PADI1: variants seen among roughly 807,000 people sequenced by gnomAD.
PADI1 encodes the protein protein-arginine deiminase type-1.
A neutral mutation model predicts 74.8 loss-of-function variants in PADI1; 65 were observed. That is an observed-to-expected ratio of 0.87 (90% CI 0.71 to 1.07). PADI1 has a LOEUF of 1.07. PADI1 is among the 50% of genes least tolerant of loss of function. PADI1 has a pLI of 0.00. For missense variants in PADI1, 943 were observed against 854.0 expected (o/e 1.10, Z -1.30); for synonymous variants, 371 against 336.2 (o/e 1.10, Z -1.13).
chr1:17,244,027 A>C lies in PADI1; in HGVS notation c.1776A>C (p.Leu592Phe). Residue 592 changes from leucine to phenylalanine, a missense_variant, in exon 16 of 16, where the codon TTA (leucine) becomes TTC (phenylalanine). Leu to Phe is a conservative substitution (Grantham distance 22, BLOSUM62 0). Transcript: ENST00000375471. ...TTTTGCAGGTTAACATGGTGGTCTTAGGCAAGTACCTGGGCATCCCCAAGC... is the reference window on the plus strand; with the variant it reads ...TTTTGCAGGTTAACATGGTGGTCTTCGGCAAGTACCTGGGCATCCCCAAGC... ...FFPDMVNMVVLGKYLGIPKPY... is the reference protein window; with the variant it reads ...FFPDMVNMVVFGKYLGIPKPY... 6.2e-7 allele frequency: 1 copy of C among 1,613,764 alleles called. No individual in the cohort carries two copies. The highest frequency in any genetic ancestry group is 2.2e-5 in the East Asian group (1 of 44,874).
intron 10 of PADI1, among the ~76,000 whole-genome samples, chr1:17,231,616 G>A (rs1477606371): frequency 2.0e-5 from 3 of 152,148 alleles, no homozygotes; most frequent in Non-Finnish European, 1.5e-5. Context: ...GACCTGCCCC[G>A]GGCTTGGCCT....
intron 8 of PADI1, 53 bp downstream of exon 8, chr1:17,229,104 A>G (rs1392530479): frequency 2.3e-5 from 26 of 1,143,704 alleles, no homozygotes; most frequent in Non-Finnish European, 2.9e-5. Flanking sequence ...AGAGGTAGGG[A>G]CAGAAGCTGC....
intron 1 of PADI1, among the ~76,000 whole-genome samples, chr1:17,216,081 G>C (rs1168786280): frequency 6.6e-6 from 1 of 152,184 alleles, no homozygotes; most frequent in Non-Finnish European, 1.5e-5. Flanking sequence ...GACAGACAGA[G>C]CTGCAGCCCT....
intron 1 of PADI1, among the ~76,000 whole-genome samples, chr1:17,211,789 C>T (rs1420650797): frequency 6.6e-6 from 1 of 152,146 alleles, no homozygotes; most frequent in Non-Finnish European, 1.5e-5. Flanking sequence ...TGTGCCCCAT[C>T]ACCCTCTGTG....
At chr1:17,229,319 A>C (rs1569816391) in intron 8 of PADI1, among the ~76,000 whole-genome samples, 1 of 151,150 alleles carries the variant, frequency 6.6e-6, no homozygotes, top group Non-Finnish European at 1.5e-5. Context: ...CTGCAGCCCC[A>C]GAACATCTCA....
intron 1 of PADI1, among the ~76,000 whole-genome samples, chr1:17,206,074 G>A (rs1048584193): frequency 1.1e-4 from 16 of 152,292 alleles, no homozygotes; most frequent in East Asian, 5.8e-4. Context: ...AATTGGATTT[G>A]GTGATCTCTG....
In PADI1 at chr1:17,226,178, C is replaced by G. The variant is rs775015861; in HGVS notation, c.652+20C>G. Reference sequence around the variant, plus strand: ...CCAGGGGTGAGTGGCCTGATGGGGCCTTTTCCTCCCAGCTCCATCCATATC... The same window carrying G: ...CCAGGGGTGAGTGGCCTGATGGGGCGTTTTCCTCCCAGCTCCATCCATATC... On this transcript the variant is annotated intron_variant, in intron 6 of 15. Transcript: ENST00000375471. 6.2e-7 allele frequency: 1 copy of G among 1,613,484 alleles called. No homozygotes were observed. The highest frequency in any genetic ancestry group is 2.2e-5 in the East Asian group (1 of 44,874).
intron 1 of PADI1, among the ~76,000 whole-genome samples, chr1:17,221,166 T>G (rs2072138089): frequency 6.6e-6 from 1 of 152,188 alleles, no homozygotes; most frequent in Non-Finnish European, 1.5e-5. Flanking sequence ...TCCACTCAAG[T>G]GCAGATGGGC....
Position 17,224,436 on chromosome 1 carries a change from C to G in PADI1, c.408+8C>G. The G allele has an allele frequency of 3.1e-6, 5 of 1,611,358 alleles. No individual in the cohort carries two copies. The highest frequency in any genetic ancestry group is 4.2e-6 in the Non-Finnish European group (5 of 1,178,150). On this transcript the variant is annotated splice_region_variant and intron_variant, in intron 4 of 15. Transcript: ENST00000375471. The stretch of plus-strand genomic sequence containing the variant: ...AGGAGCCAAGGGGACAAGGTGAGAC[C>G]CTTCCGGGCACCCCAAGGCTGCGGG...
In PADI1 at chr1:17,205,183, G is replaced by A. The variant is rs1414849593; in HGVS notation, c.-35G>A. On this transcript the variant is annotated 5_prime_UTR_variant, in exon 1 of 16. Transcript: ENST00000375471. ...GCCCAGGACGGGAGCTGGGGAGCCAGGGCTGATCTAGGAGGCTGGGAGCCA... is the reference window on the plus strand; with the variant it reads ...GCCCAGGACGGGAGCTGGGGAGCCAAGGCTGATCTAGGAGGCTGGGAGCCA... The A allele has an allele frequency of 6.3e-7, 1 of 1,583,248 alleles. No homozygotes were observed. The highest frequency in any genetic ancestry group is 1.1e-5 in the South Asian group (1 of 90,118).
At chr1:17,241,310 G>A (rs766936238) in intron 15 of PADI1, among the ~76,000 whole-genome samples, 24 of 152,240 alleles carry the variant, frequency 1.6e-4, no homozygotes, top group Non-Finnish European at 3.4e-4. Context: ...ATCGGGGTGG[G>A]CCTGGCCCAA....
chr1:17,229,971 C>A (rs2072439996), intron 8 of PADI1, 114 bp from the exon 9 acceptor site: 5 of 960,926 alleles, frequency 5.2e-6, no homozygotes, highest in African/African-American at 1.6e-5. Context: ...AGGTCATGAA[C>A]TGGAACCCCT....
At chr1:17,206,166 G>A (rs985385615) in intron 1 of PADI1, among the ~76,000 whole-genome samples, 1 of 152,178 alleles carries the variant, frequency 6.6e-6, no homozygotes, top group Non-Finnish European at 1.5e-5. Context: ...GCAGATAGGG[G>A]GCTCGTGGTG....
At chr1:17,237,206 C>T in intron 11 of PADI1, 108 bp from the exon 12 acceptor site, 3 of 1,285,122 alleles carry the variant, frequency 2.3e-6, no homozygotes, top group Non-Finnish European at 2.1e-6. Flanking sequence ...ACGTTTAAAG[C>T]GTTCTTTGAG....
At chr1:17,238,066 C>T (rs1283708258) in intron 12 of PADI1, among the ~76,000 whole-genome samples, 13 of 152,110 alleles carry the variant, frequency 8.5e-5, no homozygotes, top group Admixed American at 6.5e-4. Flanking sequence ...GTTTGTTTTT[C>T]GAGACAGAAT....
At chr1:17,209,470 T>C (rs1009674643) in intron 1 of PADI1, among the ~76,000 whole-genome samples, 15 of 152,118 alleles carry the variant, frequency 9.9e-5, no homozygotes, top group Middle Eastern at 3.2e-3. Context: ...AAACATAAAA[T>C]ATTGACATCA....
chr1:17,240,821 C>T (rs2072761046), intron 15 of PADI1, 61 bp downstream of exon 15: 3 of 1,579,926 alleles, frequency 1.9e-6, no homozygotes, highest in Non-Finnish European at 2.6e-6. Flanking sequence ...AGAAGCACTC[C>T]CTGGCCCAGG....
At chr1:17,222,916 G>A (rs536330648) in intron 2 of PADI1, among the ~76,000 whole-genome samples, 5 of 151,870 alleles carry the variant, frequency 3.3e-5, no homozygotes, top group Admixed American at 6.6e-5. Context: ...TCGCCTGCCC[G>A]AAGCTCAGAC....
chr1:17,217,457 G>T (rs2072010246), intron 1 of PADI1, among the ~76,000 whole-genome samples: 1 of 152,222 alleles, frequency 6.6e-6, no homozygotes, highest in East Asian at 1.9e-4. Flanking sequence ...AAGTTGAACA[G>T]TGTGTTTGTG....
Sources: allele counts gnomAD v4.1 joint callset (sites outside exome capture counted in the v4.1 genomes callset), GRCh38; gene constraint gnomAD v4.1.1; transcripts MANE v1.5; gene names NCBI Gene and HGNC (gene_info 2026-07-23, HGNC 2026-07-21).